Variants in BTD observed in about 807,000 individuals in gnomAD.
The protein encoded by BTD is biotinidase.
A neutral mutation model predicts 17.7 loss-of-function variants in BTD; 13 were observed. The ratio of observed to expected loss-of-function variants is 0.74; its 90% CI spans 0.48 to 1.17. The LOEUF (loss-of-function observed/expected upper bound fraction) is 1.17. Among genes scored for constraint, BTD ranks in the 50% most tolerant of loss-of-function variants. The probability of loss-of-function intolerance (pLI) is 0.00; values close to 1 mark genes in which losing one functional copy is unlikely to be tolerated. For synonymous variants in BTD, 240 were observed against 245.2 expected, an observed-to-expected ratio of 0.98 and a Z score of 0.20; for missense variants, 674 against 650.4, an observed-to-expected ratio of 1.04 and a Z score of -0.39.
At chr3:15,694,819 AAAG>A (rs1174708937) in intron 3 of BTD, 1 of 1,612,796 alleles carries the variant, frequency 6.2e-7, no homozygotes, top group African/African-American at 1.3e-5. Flanking sequence ...ATTAACTGAA[AAAG>A]AAGAGGCATT....
chr3:15,703,955 TATCTCAGGAGA>T (rs1251647718), intron 3 of BTD, among the ~76,000 whole-genome samples: 1 of 152,200 alleles, frequency 6.6e-6, no homozygotes, highest in African/African-American at 2.4e-5. Context: ...TGATGATGGT[TATCTCAGGAGA>T]GCTGGTATGA....
At chr3:15,683,653 A>C (rs111296850) in intron 3 of BTD, 10 of 152,334 alleles carry the variant, frequency 6.6e-5, no homozygotes, top group African/African-American at 2.4e-4. Context: ...AAACCTCAAG[A>C]ACCCAAAATG....
In BTD at chr3:15,645,232, C is replaced by T; in HGVS notation, c.1316C>T (p.Ala439Val). ...GGCACTTACTACATCCAAGTGTGTG[C>T]CCTGGTCAGGTGTGGGGGTCTTGGC... ...VHGTYYIQVCALVRCGGLGFD... is the reference protein window; with the variant it reads ...VHGTYYIQVCVLVRCGGLGFD... Residue 439 changes from alanine to valine, a missense_variant, in exon 4 of 4, where the codon GCC becomes GTC. Physicochemically the swap from Ala to Val is moderately conservative, Grantham distance 64 (BLOSUM62 0). Transcript: ENST00000643237. 2 of 1,614,152 alleles carry T rather than the reference C, an allele frequency of 1.2e-6. No homozygotes were observed. The highest frequency in any genetic ancestry group is 2.2e-5 in the South Asian group (2 of 91,076).
chr3:15,677,487 C>T (rs2067066934), intron 3 of BTD: 1 of 1,611,026 alleles, frequency 6.2e-7, no homozygotes, highest in Non-Finnish European at 8.5e-7. Context: ...TACCTTGCTA[C>T]AAGCCAAATG....
chr3:15,655,886 T>C (rs1350523422), downstream of BTD, among the ~76,000 whole-genome samples: 1 of 152,236 alleles, frequency 6.6e-6, no homozygotes, highest in Non-Finnish European at 1.5e-5. Context: ...CACTGCAACC[T>C]CTGCGTCCCG....
Position 15,650,987 on chromosome 3 carries a change from C to T in BTD, c.*5499C>T, listed in dbSNP as rs573746801. ...GTTTCACCATGTTAGCCAGGATGGC[C>T]TCGATCTCCTGACCTCATGATCTGC... is the stretch of plus-strand genomic sequence containing the variant. On this transcript the variant is annotated 3_prime_UTR_variant, in exon 4 of 4. Transcript: ENST00000643237. Among the ~76,000 whole-genome samples, 3 of 152,208 alleles carry T rather than the reference C, an allele frequency of 2.0e-5. No individual in the cohort carries two copies. Among genetic ancestry groups the T allele is most frequent in the Non-Finnish European group, 4.4e-5 (3 of 68,042 alleles).
downstream of BTD, among the ~76,000 whole-genome samples, chr3:15,716,276 C>T (rs1422615198): frequency 6.7e-6 from 1 of 148,714 alleles, no homozygotes; most frequent in African/African-American, 2.5e-5. Flanking sequence ...GCCACCGCAC[C>T]TGGACTTTTT....
At position 15,642,338 on chromosome 3, in the gene BTD, A is replaced by G. The variant is rs942152832; in HGVS notation, c.399+281A>G. 3.3e-6 allele frequency: 4 copies of G among 1,213,798 alleles called. No homozygotes were observed. In the African/African-American group the frequency reaches 4.6e-5, roughly 14 times the overall value. 75.2% of individuals were successfully genotyped at this position (1,213,798 alleles called of 1,614,324 possible). On this transcript the variant is annotated intron_variant, in intron 3 of 3. Transcript: ENST00000643237. ...ACCAAAAGTAAAAAAAGAAAAGTTCATCTTCACCACAGCCTGCACCTCATC... is the reference window on the plus strand; with the variant it reads ...ACCAAAAGTAAAAAAAGAAAAGTTCGTCTTCACCACAGCCTGCACCTCATC...
At chr3:15,636,360 G>A (rs741748) in intron 2 of BTD, among the ~76,000 whole-genome samples, 14,193 of 152,250 alleles carry the variant, frequency 0.093, 869 homozygotes, top group East Asian at 0.34. Context: ...GGGAAGGTCA[G>A]TGCCAGCCTT....
chr3:15,715,047 A>G (rs142797186), downstream of BTD, among the ~76,000 whole-genome samples: 103 of 152,232 alleles, frequency 6.8e-4, 2 homozygotes, highest in East Asian at 0.019. Flanking sequence ...CATTTAAAAA[A>G]ATAAATACAA....
At chr3:15,694,738 C>T in intron 3 of BTD, 1 of 1,613,034 alleles carries the variant, frequency 6.2e-7, no homozygotes, top group Non-Finnish European at 8.5e-7. Flanking sequence ...GCAGTACTCA[C>T]AGCCAAGTGT....
At chr3:15,710,361 T>C (rs1254803724) in exon 4 of BTD, among the ~76,000 whole-genome samples, 1 of 152,224 alleles carries the variant, frequency 6.6e-6, no homozygotes, top group Non-Finnish European at 1.5e-5. Flanking sequence ...AACTGTCAAG[T>C]GATCAGACAC....
In BTD at chr3:15,648,156, CAG is replaced by C. The variant is rs1405309725; in HGVS notation, c.*2673_*2674del. 6.6e-6 allele frequency among the ~76,000 whole-genome samples: 1 copy of C among 152,248 alleles called. No individual in the cohort carries two copies. Among genetic ancestry groups the C allele is most frequent in the Non-Finnish European group, 1.5e-5 (1 of 68,048 alleles). ...GGTGTCCCTGCACAGAAGATCTCCT[CAG>C]AGAGGACCGATGGTGAGTCGGCCGC... On this transcript the variant is annotated 3_prime_UTR_variant, in exon 4 of 4. Coordinates refer to ENST00000643237, the MANE Select transcript of BTD (RefSeq NM_001370658.1).
At chr3:15,664,634 C>G (rs2065959346) in intron 3 of BTD, among the ~76,000 whole-genome samples, 1 of 152,022 alleles carries the variant, frequency 6.6e-6, no homozygotes, top group African/African-American at 2.4e-5. Flanking sequence ...GAGGTCATTC[C>G]TCTTGCCATT....
chr3:15,715,988 TTC>T (rs201449339), downstream of BTD, among the ~76,000 whole-genome samples: 1,193 of 152,028 alleles, frequency 7.8e-3, 2 homozygotes, highest in Non-Finnish European at 0.013. Context: ...GGCCTTTTTT[TTC>T]TCTCTTTTTT....
At chr3:15,642,117 A>G in intron 3 of BTD, 60 bp downstream of exon 3, 1 of 1,604,496 alleles carries the variant, frequency 6.2e-7, no homozygotes, top group Non-Finnish European at 8.5e-7. Flanking sequence ...TAAGTCAGGG[A>G]CCAGAAGCTG....
chr3:15,655,316 A>C (rs2065860897), downstream of BTD, among the ~76,000 whole-genome samples: 1 of 152,204 alleles, frequency 6.6e-6, no homozygotes. Flanking sequence ...AGATACTTAT[A>C]ATAAAAGCCA....
intron 3 of BTD, chr3:15,677,060 T>C (rs1400079320): frequency 3.1e-6 from 5 of 1,611,638 alleles, no homozygotes; most frequent in Admixed American, 1.7e-5. Flanking sequence ...CATGACCCTA[T>C]AATTGTGGCA....
At chr3:15,661,236 A>C (rs1047564863) in intron 3 of BTD, among the ~76,000 whole-genome samples, 1 of 141,106 alleles carries the variant, frequency 7.1e-6, no homozygotes, top group Non-Finnish European at 1.5e-5. Context: ...ACTGCACTCC[A>C]GGCTGGGCAA....
Sources: gnomAD v4.1 joint callset for allele counts (sites outside exome capture counted in the v4.1 genomes callset) on GRCh38, gnomAD v4.1.1 for gene constraint, MANE v1.5 for transcripts, NCBI Gene and HGNC (gene_info 2026-07-23, HGNC 2026-07-21) for gene names.